Variants in CHRM3 observed in about 807,000 individuals in gnomAD.
The protein encoded by CHRM3 is muscarinic acetylcholine receptor M3.
A neutral mutation model predicts 41.8 loss-of-function variants in CHRM3; 11 were observed. The ratio of observed to expected loss-of-function variants is 0.26; its 90% confidence interval spans 0.17 to 0.44. The LOEUF (loss-of-function observed/expected upper bound fraction) is 0.44. CHRM3 is among the 20% of genes least tolerant of loss of function. CHRM3 has a pLI of 1.00. For synonymous variants in CHRM3, 297 were observed against 301.4 expected (o/e 0.99, Z 0.15); for missense variants, 571 against 745.4 (o/e 0.77, Z 2.72).
chr1:239,643,637 G>A (rs1226811930), intron 4 of CHRM3, among the ~76,000 whole-genome samples: 1 of 152,198 alleles, frequency 6.6e-6, no homozygotes, highest in Non-Finnish European at 1.5e-5. Context: ...CAGTATTCGG[G>A]TGGGAGTGAC....
At chr1:239,887,070 C>A (rs1678134871) in intron 6 of CHRM3, among the ~76,000 whole-genome samples, 1 of 152,136 alleles carries the variant, frequency 6.6e-6, no homozygotes, top group Non-Finnish European at 1.5e-5. Context: ...TCCAGCTGGG[C>A]TCCTTTACTT....
chr1:239,540,394 C>T (rs1341252230), intron 2 of CHRM3, among the ~76,000 whole-genome samples: 12 of 152,088 alleles, frequency 7.9e-5, no homozygotes, highest in Admixed American at 2.0e-4. Context: ...TTCAGTAATC[C>T]TTTAAAAAAA....
chr1:239,914,722 A>G lies in CHRM3; in HGVS notation c.*5498A>G, dbSNP rs1680553113. ...AAAGAAGTATCTGGAGGGCCTGGAG[A>G]GTTCATAAACATAGTTTTCTGTGCA... On this transcript the variant is annotated 3_prime_UTR_variant, in exon 7 of 7. Coordinates refer to ENST00000676153, the MANE Select transcript of CHRM3 (RefSeq NM_001375978.1). 1 of 167,054 alleles carries G rather than the reference A, an allele frequency of 6.0e-6. No individual in the cohort carries two copies. The highest frequency in any genetic ancestry group is 2.1e-4 in the South Asian group (1 of 4,832). 10.3% of individuals were successfully genotyped at this position (167,054 alleles called of 1,614,324 possible). A position where few individuals can be genotyped will look rare whatever the true frequency, so the allele number is the denominator to read the frequency against.
At chr1:239,861,105 A>G (rs958426992) in intron 6 of CHRM3, among the ~76,000 whole-genome samples, 11 of 152,252 alleles carry the variant, frequency 7.2e-5, no homozygotes, top group African/African-American at 2.2e-4. Flanking sequence ...ACATTCAATT[A>G]TATTCTATTG....
chr1:239,598,767 T>C (rs1665120139), intron 3 of CHRM3, among the ~76,000 whole-genome samples: 1 of 152,170 alleles, frequency 6.6e-6, no homozygotes, highest in Non-Finnish European at 1.5e-5. Context: ...CTTATTCTTT[T>C]TCAAAATGGA....
At chr1:239,474,959 C>G (rs1666369832) in intron 1 of CHRM3, among the ~76,000 whole-genome samples, 1 of 151,924 alleles carries the variant, frequency 6.6e-6, no homozygotes, top group Non-Finnish European at 1.5e-5. Context: ...TAGTACTATT[C>G]TAAATTTTGG....
chr1:239,502,754 C>T (rs564356830), intron 2 of CHRM3, among the ~76,000 whole-genome samples: 6 of 151,876 alleles, frequency 4.0e-5, no homozygotes, highest in Admixed American at 1.3e-4. Flanking sequence ...GTGGGTTTAA[C>T]ATACACAAGT....
At chr1:239,637,149 G>A (rs1427560601) in intron 4 of CHRM3, among the ~76,000 whole-genome samples, 4 of 151,980 alleles carry the variant, frequency 2.6e-5, no homozygotes. Flanking sequence ...ATATTATCAG[G>A]TATACAGAAA....
intron 3 of CHRM3, among the ~76,000 whole-genome samples, chr1:239,554,593 AC>A (rs1200503518): frequency 6.6e-6 from 1 of 152,166 alleles, no homozygotes; most frequent in Non-Finnish European, 1.5e-5. Context: ...ATTGCATTCA[AC>A]TTTTCTAAAG....
chr1:239,776,874 C>T (rs1431781164), intron 5 of CHRM3, among the ~76,000 whole-genome samples: 2 of 152,096 alleles, frequency 1.3e-5, no homozygotes, highest in East Asian at 1.9e-4. Context: ...AAAAGCCCCT[C>T]ATGAAACCAT....
chr1:239,839,989 AATTTTTTATTAATTAATT>A (rs1434580770), intron 6 of CHRM3, among the ~76,000 whole-genome samples: 3 of 152,140 alleles, frequency 2.0e-5, no homozygotes, highest in Non-Finnish European at 4.4e-5. Context: ...TTGTTAATAC[AATTTTTTATTAATTAATT>A]ATTTTTCATT....
At chr1:239,755,093 C>G (rs1212534489) in intron 5 of CHRM3, among the ~76,000 whole-genome samples, 1 of 152,060 alleles carries the variant, frequency 6.6e-6, no homozygotes, top group Non-Finnish European at 1.5e-5. Flanking sequence ...GAGGTTTATC[C>G]TTTCTTTGTT....
chr1:239,432,903 C>G (rs531981454), intron 1 of CHRM3, among the ~76,000 whole-genome samples: 220 of 152,246 alleles, frequency 1.4e-3, no homozygotes, highest in Non-Finnish European at 2.5e-3. Flanking sequence ...TCTTGTTCCT[C>G]TAATTAATTC....
intron 4 of CHRM3, among the ~76,000 whole-genome samples, chr1:239,634,157 G>A (rs1267583408): frequency 6.6e-6 from 1 of 152,188 alleles, no homozygotes; most frequent in Non-Finnish European, 1.5e-5. Flanking sequence ...GGTCCTGACA[G>A]CCTGGTTCCA....
chr1:239,449,114 A>G (rs934729463), intron 1 of CHRM3, among the ~76,000 whole-genome samples: 17 of 152,186 alleles, frequency 1.1e-4, no homozygotes, highest in African/African-American at 3.9e-4. Flanking sequence ...AATATATTAC[A>G]TTAAATAAAC....
intron 1 of CHRM3, among the ~76,000 whole-genome samples, chr1:239,484,325 C>T (rs1667052131): frequency 6.6e-6 from 1 of 152,054 alleles, no homozygotes; most frequent in Non-Finnish European, 1.5e-5. Context: ...TTTTAAACAA[C>T]CAGGTATTCC....
At chr1:239,722,828 T>G (rs1043162610) in intron 5 of CHRM3, among the ~76,000 whole-genome samples, 3 of 151,956 alleles carry the variant, frequency 2.0e-5, no homozygotes, top group African/African-American at 7.2e-5. Flanking sequence ...CTCATATTTC[T>G]TATAACTTAT....
At chr1:239,713,153 A>T (rs977852665) in intron 5 of CHRM3, among the ~76,000 whole-genome samples, 1 of 152,166 alleles carries the variant, frequency 6.6e-6, no homozygotes, top group African/African-American at 2.4e-5. Context: ...AAAGTACATT[A>T]AGTACATTAA....
chr1:239,588,779 A>G (rs963205499), intron 3 of CHRM3, among the ~76,000 whole-genome samples: 1 of 152,168 alleles, frequency 6.6e-6, no homozygotes, highest in African/African-American at 2.4e-5. Flanking sequence ...ATTTGCATAG[A>G]CTTTGAATAT....
Sources: allele counts gnomAD v4.1 joint callset (sites outside exome capture counted in the v4.1 genomes callset), GRCh38; gene constraint gnomAD v4.1.1; transcripts MANE v1.5; gene names NCBI Gene and HGNC (gene_info 2026-07-23, HGNC 2026-07-21).